Variants in ITPR2 observed in about 807,000 individuals in gnomAD.
The protein encoded by ITPR2 is inositol 1,4,5-trisphosphate-gated calcium channel ITPR2.
A neutral mutation model predicts 317.1 loss-of-function variants in ITPR2; 207 were observed. The observed-to-expected ratio is 0.65, with a 90% confidence interval of 0.58 to 0.73. The LOEUF (loss-of-function observed/expected upper bound fraction) is 0.73. Among genes scored for constraint, ITPR2 ranks in the 30% least tolerant of loss-of-function variants. ITPR2 has a pLI of 0.00. For missense variants in ITPR2, 2,613 were observed against 3,284.0 expected (o/e 0.80, Z 4.99); for synonymous variants, 1,156 against 1,149.1 (o/e 1.01, Z -0.12).
rs193066990 is a variant in ITPR2 at position 26,725,011 on chromosome 12, A to G, written c.280-269T>C. The stretch of plus-strand genomic sequence containing the variant: ...CCCAAAGGGAGCAGTAATTAAATAA[A>G]TGATTATAATATAGTGTGATGATTT... On this transcript the variant is annotated intron_variant, in intron 3 of 56. Transcript: ENST00000381340. Among the ~76,000 whole-genome samples, 16 of 152,282 alleles carry G rather than the reference A, an allele frequency of 1.1e-4. No individual in the cohort carries two copies. In the East Asian group the frequency reaches 3.1e-3, roughly 29 times the overall value.
chr12:26,582,398 T>A (rs1238684053), intron 32 of ITPR2, among the ~76,000 whole-genome samples: 2 of 152,224 alleles, frequency 1.3e-5, no homozygotes, highest in South Asian at 4.1e-4. Context: ...AAAGTTTTAA[T>A]CCATTTGCAC....
chr12:26,762,064 T>A (rs947710022), intron 2 of ITPR2, among the ~76,000 whole-genome samples: 1 of 151,770 alleles, frequency 6.6e-6, no homozygotes, highest in Non-Finnish European at 1.5e-5. Context: ...AAAAAAAGAA[T>A]TTAAAAAGAC....
chr12:26,498,390 G>A (rs1468913698), intron 37 of ITPR2, among the ~76,000 whole-genome samples: 2 of 152,090 alleles, frequency 1.3e-5, no homozygotes, highest in East Asian at 1.9e-4. Flanking sequence ...AATTCACCTG[G>A]CCAAAGAAAA....
At chr12:26,660,131 G>C (rs1163629018) in intron 15 of ITPR2, among the ~76,000 whole-genome samples, 1 of 152,176 alleles carries the variant, frequency 6.6e-6, no homozygotes, top group East Asian at 1.9e-4. Flanking sequence ...TGAGGTAGTA[G>C]AACCAAGCTT....
intron 37 of ITPR2, among the ~76,000 whole-genome samples, chr12:26,541,284 T>C (rs1227213776): frequency 6.6e-6 from 1 of 151,840 alleles, no homozygotes; most frequent in African/African-American, 2.4e-5. Context: ...GCCATTGCAC[T>C]CCAGCATGGG....
At chr12:26,679,910 G>T (rs1947997501) in intron 13 of ITPR2, among the ~76,000 whole-genome samples, 1 of 151,768 alleles carries the variant, frequency 6.6e-6, no homozygotes. Context: ...TATAGATACA[G>T]TATATAATAC....
At chr12:26,468,798 A>C (rs11048541) in intron 45 of ITPR2, among the ~76,000 whole-genome samples, 13,732 of 152,210 alleles carry the variant, frequency 0.09, 1,295 homozygotes, top group African/African-American at 0.23. Flanking sequence ...ACATTTGTTA[A>C]GTGCCTACAG....
intron 45 of ITPR2, among the ~76,000 whole-genome samples, chr12:26,474,436 T>C (rs544005340): frequency 1.3e-5 from 2 of 152,334 alleles, no homozygotes; most frequent in South Asian, 2.1e-4. Context: ...GTTAATTGTA[T>C]TAAATTTATG....
intron 52 of ITPR2, among the ~76,000 whole-genome samples, chr12:26,409,524 G>A (rs1216508218): frequency 1.3e-5 from 2 of 151,378 alleles, no homozygotes; most frequent in South Asian, 2.1e-4. Flanking sequence ...TAGAACAGAG[G>A]TTGGCAAAAA....
intron 14 of ITPR2, among the ~76,000 whole-genome samples, 183 bp from the exon 15 acceptor site, chr12:26,664,029 A>C (rs1489278360): frequency 6.6e-6 from 1 of 152,214 alleles, no homozygotes; most frequent in Non-Finnish European, 1.5e-5. Flanking sequence ...AAGTACTGCC[A>C]AAAGGGTCAC....
At chr12:26,664,255 CA>C (rs1467726672) in intron 14 of ITPR2, among the ~76,000 whole-genome samples, 1 of 152,040 alleles carries the variant, frequency 6.6e-6, no homozygotes, top group African/African-American at 2.4e-5. Flanking sequence ...ATAAAGAAAA[CA>C]TTTACTTTTC....
At chr12:26,777,973 C>T (rs543566863) in intron 2 of ITPR2, among the ~76,000 whole-genome samples, 1 of 152,198 alleles carries the variant, frequency 6.6e-6, no homozygotes, top group Admixed American at 6.5e-5. Flanking sequence ...CCCAAAATGT[C>T]AGGCAGTCCT....
chr12:26,448,514 C>G (rs769439259), intron 45 of ITPR2, among the ~76,000 whole-genome samples: 1 of 152,058 alleles, frequency 6.6e-6, no homozygotes, highest in African/African-American at 2.4e-5. Flanking sequence ...ACAAGGAACA[C>G]TTATTAGGTC....
At chr12:26,384,226 A>G (rs1358118724) in intron 55 of ITPR2, among the ~76,000 whole-genome samples, 1 of 152,252 alleles carries the variant, frequency 6.6e-6, no homozygotes, top group Non-Finnish European at 1.5e-5. Context: ...CTAGGAGGAT[A>G]GTCAGAAGGC....
At chr12:26,623,239 A>G (rs931433168) in intron 24 of ITPR2, 3 of 152,170 alleles carry the variant, frequency 2.0e-5, no homozygotes, top group Admixed American at 2.0e-4. Context: ...TCAGAAATAA[A>G]TAATTCACGA....
Position 26,451,401 on chromosome 12 carries a change from ACACACACG to A in ITPR2, c.6343-7759_6343-7752del, listed in dbSNP as rs1254268233. Reference sequence around the variant, plus strand: ...CACACACACACACACACACACACACACACACACGGAAAGTAAGGAACTGATGCCTTCCC... The same window carrying A: ...CACACACACACACACACACACACACAGAAAGTAAGGAACTGATGCCTTCCC... On this transcript the variant is annotated intron_variant, in intron 45 of 56. Transcript: ENST00000381340. Among the ~76,000 whole-genome samples, 5 of 128,208 alleles carry A rather than the reference ACACACACG, an allele frequency of 3.9e-5. No homozygotes were observed. The South Asian group carries it at 1.0e-3, about 27-fold the overall frequency. The allele number at this position is 128,208 out of a possible 152,430, so 84.1% of individuals were successfully genotyped here. A position where few individuals can be genotyped will look rare whatever the true frequency, so the allele number is the denominator to read the frequency against.
At chr12:26,784,837 T>G (rs1950185470) in intron 2 of ITPR2, among the ~76,000 whole-genome samples, 1 of 140,808 alleles carries the variant, frequency 7.1e-6, no homozygotes, top group Non-Finnish European at 1.6e-5. Flanking sequence ...TCTGCCTGGC[T>G]GCCCAGTCTG....
At chr12:26,565,841 A>AGAGAG (rs201342280) in intron 34 of ITPR2, among the ~76,000 whole-genome samples, 1,032 of 87,490 alleles carry the variant, frequency 0.012, 115 homozygotes, top group African/African-American at 0.04. Context: ...AGAGGAGAGT[A>AGAGAG]GAGAGGAGAG....
chr12:26,404,868 T>TTA (rs1940297195), intron 52 of ITPR2, among the ~76,000 whole-genome samples: 1 of 152,122 alleles, frequency 6.6e-6, no homozygotes, highest in African/African-American at 2.4e-5. Flanking sequence ...GTGCGGTGGC[T>TTA]TATGCCTGTA....
Sources: gnomAD v4.1 joint callset for allele counts (sites outside exome capture counted in the v4.1 genomes callset) on GRCh38, gnomAD v4.1.1 for gene constraint, MANE v1.5 for transcripts, NCBI Gene and HGNC (gene_info 2026-07-23, HGNC 2026-07-21) for gene names.